PIWIL1: variants seen among roughly 807,000 people sequenced by gnomAD.
The protein encoded by PIWIL1 is piwi like RNA-mediated gene silencing 1, also known as piwi-like protein 1.
Under a neutral mutation model 114.4 loss-of-function variants are expected in PIWIL1, and 73 were observed. That is an observed-to-expected ratio of 0.64 (90% CI 0.53 to 0.78). The LOEUF is 0.78. Ranked by LOEUF, PIWIL1 falls within the 30% of genes least tolerant of loss-of-function variation. PIWIL1 has a pLI of 0.00. For missense variants in PIWIL1, 723 were observed against 1,063.1 expected, an observed-to-expected ratio of 0.68 and a Z score of 4.45; for synonymous variants, 375 against 369.0, an observed-to-expected ratio of 1.02 and a Z score of -0.19.
Position 130,349,979 on chromosome 12 carries a change from G to A in PIWIL1, c.1044+12G>A. On this transcript the variant is annotated intron_variant, in intron 9 of 20. Transcript: ENST00000245255. The stretch of plus-strand genomic sequence containing the variant: ...AATACTACAGGAAGGTAAGATGCCA[G>A]TGGTTAGATCTCAGGAGAAATCCAA... 1 of 1,472,080 alleles carries A rather than the reference G, an allele frequency of 6.8e-7. No individual in the cohort carries two copies. Among genetic ancestry groups the A allele is most frequent in the Non-Finnish European group, 9.4e-7 (1 of 1,058,276 alleles). 91.2% of individuals were successfully genotyped at this position (1,472,080 alleles called of 1,614,324 possible).
At chr12:130,406,667 G>A in the PIWIL1 span, among the ~76,000 whole-genome samples, 3 of 152,158 alleles carry the variant, frequency 2.0e-5, no homozygotes, top group South Asian at 4.1e-4. Flanking sequence ...TATTTATTGA[G>A]ACAGAATCTC....
the PIWIL1 span, among the ~76,000 whole-genome samples, chr12:130,402,365 T>G: frequency 6.1e-3 from 925 of 152,244 alleles, 13 homozygotes; most frequent in African/African-American, 0.021. Flanking sequence ...GACGACATTC[T>G]CTGTCCCTCT....
chr12:130,403,149 A>G, the PIWIL1 span, among the ~76,000 whole-genome samples: 1 of 152,336 alleles, frequency 6.6e-6, no homozygotes, highest in South Asian at 2.1e-4. Context: ...AAGGTTACAG[A>G]TATCAAAACA....
chr12:130,422,599 A>G, the PIWIL1 span: 1 of 1,439,634 alleles, frequency 6.9e-7, no homozygotes, highest in Admixed American at 2.0e-5. This position sits in a 1 kb window ranked among gnomAD's most constrained non-coding sequence, Gnocchi z 5.2. Flanking sequence ...AAGTCTCGCC[A>G]GCATTGGGAA....
At chr12:130,354,416 A>G in intron 9 of PIWIL1, 121 bp from the exon 10 acceptor site, 2 of 1,248,092 alleles carry the variant, frequency 1.6e-6, no homozygotes, top group Non-Finnish European at 2.3e-6. Context: ...CTCTGAAGCT[A>G]TTATCAGCCT....
intron 14 of PIWIL1, among the ~76,000 whole-genome samples, chr12:130,358,653 C>T (rs2073429878): frequency 6.6e-6 from 1 of 152,138 alleles, no homozygotes; most frequent in Non-Finnish European, 1.5e-5. Context: ...CCAATCCCAT[C>T]AGTGTTTTGA....
chr12:130,405,013 T>C, the PIWIL1 span, among the ~76,000 whole-genome samples: 1 of 152,128 alleles, frequency 6.6e-6, no homozygotes, highest in Non-Finnish European at 1.5e-5. Flanking sequence ...TTTGTTCTCA[T>C]AGTTAGGAAA....
At chr12:130,415,750 TAAG>T in the PIWIL1 span, among the ~76,000 whole-genome samples, 2 of 151,542 alleles carry the variant, frequency 1.3e-5, no homozygotes, top group African/African-American at 2.4e-5. Context: ...ATATAGGAAA[TAAG>T]AAGTCAAATT....
At chr12:130,386,012 T>C in the PIWIL1 span, among the ~76,000 whole-genome samples, 1 of 152,200 alleles carries the variant, frequency 6.6e-6, no homozygotes, top group African/African-American at 2.4e-5. Context: ...TTGCTGCATG[T>C]TCTTCTGAAT....
chr12:130,385,377 GT>G, the PIWIL1 span, among the ~76,000 whole-genome samples: 1 of 152,244 alleles, frequency 6.6e-6, no homozygotes, highest in East Asian at 1.9e-4. Flanking sequence ...CCTTACGTGG[GT>G]TTTTTAGACT....
chr12:130,414,327 A>C, the PIWIL1 span: 1 of 1,562,358 alleles, frequency 6.4e-7, no homozygotes, highest in South Asian at 1.2e-5. Flanking sequence ...GTGGGGGTGA[A>C]GAACAGAGCG....
the PIWIL1 span, among the ~76,000 whole-genome samples, chr12:130,389,931 T>C: frequency 6.6e-6 from 1 of 152,222 alleles, no homozygotes; most frequent in Non-Finnish European, 1.5e-5. Context: ...ATACACGGGT[T>C]CTTTAGAAGT....
the PIWIL1 span, among the ~76,000 whole-genome samples, chr12:130,390,925 G>C: frequency 6.6e-6 from 1 of 152,142 alleles, no homozygotes; most frequent in Non-Finnish European, 1.5e-5. Context: ...AACTTACCTG[G>C]TCCCTGTCTC....
chr12:130,349,186 C>A (rs1477970875), intron 7 of PIWIL1, 53 bp from the exon 8 acceptor site: 13 of 1,350,846 alleles, frequency 9.6e-6, no homozygotes, highest in Admixed American at 1.7e-5. Context: ...TTAGTGTGTG[C>A]AGAATGTGTT....
intron 16 of PIWIL1, 120 bp downstream of exon 16, chr12:130,361,721 G>C: frequency 1.4e-6 from 1 of 727,278 alleles, no homozygotes; most frequent in Non-Finnish European, 2.3e-6. Context: ...ATACAGCAAC[G>C]AATTTAGGAA....
At chr12:130,348,947 A>G (rs1359089513) in intron 7 of PIWIL1, among the ~76,000 whole-genome samples, 1 of 152,228 alleles carries the variant, frequency 6.6e-6, no homozygotes, top group Non-Finnish European at 1.5e-5. Flanking sequence ...TAAGTTTATC[A>G]TAATAATTGT....
chr12:130,408,224 C>T, the PIWIL1 span, among the ~76,000 whole-genome samples: 1 of 152,200 alleles, frequency 6.6e-6, no homozygotes, highest in Admixed American at 6.5e-5. Context: ...GGGAAGGCCC[C>T]ATAGACACAG....
In PIWIL1 at chr12:130,371,329, T is replaced by A. The variant is rs1273745864; in HGVS notation, c.2469+6T>A. ...ACATCTATTACAACTGGCCAGTAAG[T>A]GCTTCTACTTGTTGATGTTTAGCAA... is the stretch of plus-strand genomic sequence containing the variant. On this transcript the variant is annotated splice_donor_region_variant and intron_variant, in intron 20 of 20. Transcript: ENST00000245255. 2.5e-6 allele frequency: 4 copies of A among 1,613,914 alleles called. No homozygotes were observed. In the East Asian group the frequency reaches 6.7e-5, roughly 27 times the overall value.
the PIWIL1 span, chr12:130,407,814 C>T: frequency 6.2e-7 from 1 of 1,613,954 alleles, no homozygotes; most frequent in Non-Finnish European, 8.5e-7. Context: ...ACGCCTGCCA[C>T]TTCTCCTGCT....
Sources: allele counts gnomAD v4.1 joint callset (sites outside exome capture counted in the v4.1 genomes callset), GRCh38; gene constraint gnomAD v4.1.1; non-coding constraint Gnocchi (gnomAD v3.1); transcripts MANE v1.5; gene names NCBI Gene and HGNC (gene_info 2026-07-23, HGNC 2026-07-21).